STPG2: variants seen among roughly 807,000 people sequenced by gnomAD.
STPG2 encodes the protein sperm-tail PG-rich repeat-containing protein 2.
Under a neutral mutation model 54.2 loss-of-function variants are expected in STPG2, and 56 were observed. The observed-to-expected ratio is 1.03, with a 90% CI of 0.83 to 1.29. STPG2 has a LOEUF of 1.29. Among genes scored for constraint, STPG2 ranks in the 50% most tolerant of loss-of-function variants. The probability of loss-of-function intolerance (pLI) is 0.00; values close to 1 mark genes in which losing one functional copy is unlikely to be tolerated. For missense variants in STPG2, 596 were observed against 544.9 expected (o/e 1.09, Z -0.93); for synonymous variants, 200 against 181.8 (o/e 1.10, Z -0.81).
intron 8 of STPG2, among the ~76,000 whole-genome samples, chr4:97,889,105 T>C (rs1560572906): frequency 6.6e-6 from 1 of 152,168 alleles, no homozygotes; most frequent in African/African-American, 2.4e-5. Flanking sequence ...TTATCCAGTG[T>C]CAGGTATTTC....
intron 9 of STPG2, among the ~76,000 whole-genome samples, chr4:97,754,028 A>G (rs1725658888): frequency 6.6e-6 from 1 of 152,072 alleles, no homozygotes; most frequent in African/African-American, 2.4e-5. Context: ...TGTCATATCC[A>G]TGCAATCACT....
At chr4:97,950,112 T>C (rs561067646) in intron 7 of STPG2, among the ~76,000 whole-genome samples, 9 of 152,072 alleles carry the variant, frequency 5.9e-5, no homozygotes, top group African/African-American at 2.2e-4. Context: ...TTTATCTCTT[T>C]AGAAATTTTT....
intron 5 of STPG2, among the ~76,000 whole-genome samples, chr4:98,067,855 C>T (rs919902844): frequency 5.3e-5 from 8 of 151,750 alleles, no homozygotes; most frequent in Non-Finnish European, 1.2e-4. Flanking sequence ...AAAAAAGAAC[C>T]CTCTCATTCT....
At chr4:97,686,494 C>T (rs1349238568) in intron 10 of STPG2, among the ~76,000 whole-genome samples, 2 of 152,110 alleles carry the variant, frequency 1.3e-5, no homozygotes, top group African/African-American at 4.8e-5. Context: ...GGGCTGTTCA[C>T]TTCCTCAGAG....
intron 10 of STPG2, among the ~76,000 whole-genome samples, chr4:97,666,216 T>C (rs1722519870): frequency 6.6e-6 from 1 of 152,134 alleles, no homozygotes; most frequent in African/African-American, 2.4e-5. Flanking sequence ...TTCCACCTGT[T>C]CCTGGCTCCC....
At chr4:98,080,649 T>C (rs1373316255) in intron 5 of STPG2, among the ~76,000 whole-genome samples, 1 of 152,136 alleles carries the variant, frequency 6.6e-6, no homozygotes, top group Non-Finnish European at 1.5e-5. Context: ...GTTGGAAACA[T>C]TGAAAAAATA....
At chr4:97,536,330 C>T (rs1191091857) in intron 4 of STPG2, among the ~76,000 whole-genome samples, 1 of 152,058 alleles carries the variant, frequency 6.6e-6, no homozygotes, top group African/African-American at 2.4e-5. Context: ...AGTGACTGGA[C>T]CATTGGGGCA....
intron 8 of STPG2, among the ~76,000 whole-genome samples, chr4:97,908,329 C>T (rs1313725589): frequency 3.9e-5 from 6 of 152,056 alleles, no homozygotes; most frequent in African/African-American, 1.4e-4. Flanking sequence ...CATCTCACAC[C>T]ACTTAGAATG....
At chr4:97,914,668 G>C (rs1731807130) in intron 8 of STPG2, among the ~76,000 whole-genome samples, 1 of 152,126 alleles carries the variant, frequency 6.6e-6, no homozygotes. Flanking sequence ...CTTGAGACCA[G>C]AAGTGTTTTG....
chr4:98,001,254 T>G (rs915894572), intron 5 of STPG2, among the ~76,000 whole-genome samples: 1 of 151,814 alleles, frequency 6.6e-6, no homozygotes, highest in Non-Finnish European at 1.5e-5. Context: ...GTACTCAAAA[T>G]TTTTTCACCA....
chr4:97,506,913 A>G (rs938731933), intron 4 of STPG2, among the ~76,000 whole-genome samples: 2 of 152,138 alleles, frequency 1.3e-5, no homozygotes, highest in Non-Finnish European at 2.9e-5. Flanking sequence ...GAATGTAAAT[A>G]CAAATATATC....
intron 10 of STPG2, among the ~76,000 whole-genome samples, chr4:97,590,034 T>C (rs1168859799): frequency 1.3e-5 from 2 of 152,154 alleles, no homozygotes; most frequent in African/African-American, 4.8e-5. Context: ...AAACTTTATT[T>C]ACAAAACTTA....
At chr4:97,676,836 T>C (rs11097567) in intron 10 of STPG2, among the ~76,000 whole-genome samples, 67,687 of 151,566 alleles carry the variant, frequency 0.45, 16,555 homozygotes, top group South Asian at 0.62. Flanking sequence ...GCCACAAGGT[T>C]CTTGAATCCC....
At chr4:97,683,436 T>C (rs1723089900) in intron 10 of STPG2, among the ~76,000 whole-genome samples, 2 of 151,846 alleles carry the variant, frequency 1.3e-5, no homozygotes, top group Admixed American at 6.6e-5. Flanking sequence ...AGATAAGGAC[T>C]CTGTCCCTAG....
At chr4:97,542,438 T>G (rs1731735717) in intron 4 of STPG2, among the ~76,000 whole-genome samples, 1 of 152,132 alleles carries the variant, frequency 6.6e-6, no homozygotes, top group Non-Finnish European at 1.5e-5. Context: ...TCACACCAGT[T>G]AGAACTGCGA....
chr4:97,636,884 T>A (rs1388747573), intron 10 of STPG2, among the ~76,000 whole-genome samples: 1 of 150,226 alleles, frequency 6.7e-6, no homozygotes, highest in African/African-American at 2.4e-5. Context: ...CAGGACCAGA[T>A]GGATTCACAG....
intron 9 of STPG2, among the ~76,000 whole-genome samples, chr4:97,786,920 T>C (rs1726844146): frequency 6.6e-6 from 1 of 152,110 alleles, no homozygotes; most frequent in Non-Finnish European, 1.5e-5. Flanking sequence ...AAACTATATA[T>C]AGGTATGTAT....
chr4:98,110,365 C>T (rs1320919615), intron 3 of STPG2, among the ~76,000 whole-genome samples: 3 of 152,150 alleles, frequency 2.0e-5, no homozygotes, highest in Non-Finnish European at 4.4e-5. Context: ...CACATGCACA[C>T]TAAAAGGCAA....
At chr4:97,968,714 A>C (rs988720752) in intron 7 of STPG2, among the ~76,000 whole-genome samples, 1 of 152,252 alleles carries the variant, frequency 6.6e-6, no homozygotes, top group African/African-American at 2.4e-5. Flanking sequence ...GATGAAGAAA[A>C]GGCCTTTGAC....
Sources: gnomAD v4.1 joint callset for allele counts (sites outside exome capture counted in the v4.1 genomes callset) on GRCh38, gnomAD v4.1.1 for gene constraint, MANE v1.5 for transcripts, NCBI Gene and HGNC (gene_info 2026-07-23, HGNC 2026-07-21) for gene names.